Variants in SLIT1 observed in about 807,000 individuals in gnomAD.
The protein encoded by SLIT1 is slit guidance ligand 1.
Under a neutral mutation model 186.1 loss-of-function variants are expected in SLIT1, and 66 were observed. That is an observed-to-expected ratio of 0.35 (90% CI 0.29 to 0.44). The LOEUF (loss-of-function observed/expected upper bound fraction) is 0.44, where lower values mean the gene tolerates loss of function less well. Ranked by LOEUF, SLIT1 falls within the 20% of genes least tolerant of loss-of-function variation. The probability of loss-of-function intolerance (pLI) is 1.00; values close to 1 mark genes in which losing one functional copy is unlikely to be tolerated. For synonymous variants in SLIT1, 761 were observed against 833.8 expected (o/e 0.91, Z 1.50); for missense variants, 1,638 against 2,037.4 (o/e 0.80, Z 3.77).
intron 4 of SLIT1, among the ~76,000 whole-genome samples, chr10:97,087,852 AAC>A (rs1398235171): frequency 6.6e-6 from 1 of 152,138 alleles, no homozygotes; most frequent in Non-Finnish European, 1.5e-5. Flanking sequence ...TTTGTTTGAG[AAC>A]ACAGCCAGGT....
At chr10:97,149,939 T>C (rs754009102) in intron 4 of SLIT1, among the ~76,000 whole-genome samples, 1 of 152,236 alleles carries the variant, frequency 6.6e-6, no homozygotes, top group Non-Finnish European at 1.5e-5. Flanking sequence ...ATGGGCTGAA[T>C]AGTCCTTGAC....
At chr10:97,075,783 C>T (rs968098404) in intron 4 of SLIT1, among the ~76,000 whole-genome samples, 1 of 152,202 alleles carries the variant, frequency 6.6e-6, no homozygotes, top group Non-Finnish European at 1.5e-5. Context: ...CCCTCAGTGT[C>T]TCAGGTGCAC....
chr10:97,088,804 T>G (rs1001114603), intron 4 of SLIT1, among the ~76,000 whole-genome samples: 35 of 152,128 alleles, frequency 2.3e-4, no homozygotes, highest in African/African-American at 7.5e-4. Flanking sequence ...GGGGCCCACG[T>G]CCATAAAGGA....
At chr10:97,175,966 A>G (rs1243302407) in intron 1 of SLIT1, among the ~76,000 whole-genome samples, 4 of 152,246 alleles carry the variant, frequency 2.6e-5, no homozygotes, top group Non-Finnish European at 4.4e-5. Context: ...TTGCCTTTAC[A>G]GCCCCAGTGC....
chr10:97,049,135 G>A lies in SLIT1; in HGVS notation c.1302-17C>T. 1.2e-6 allele frequency: 2 copies of A among 1,609,054 alleles called. No homozygotes were observed. Among genetic ancestry groups the A allele is most frequent in the Non-Finnish European group, 1.7e-6 (2 of 1,178,486 alleles). On this transcript the variant is annotated splice_polypyrimidine_tract_variant and intron_variant, in intron 13 of 36. Transcript: ENST00000266058. ...GCCAGGTGCCTGTCCAAAGCAGGCA[G>A]ATCAGCTATGAGAAACAAGGGCTGC...
chr10:97,091,319 T>A (rs150202274), intron 4 of SLIT1, among the ~76,000 whole-genome samples: 1 of 152,208 alleles, frequency 6.6e-6, no homozygotes, highest in Non-Finnish European at 1.5e-5. Context: ...CCAGGTTCCT[T>A]AGGGGACTCA....
chr10:97,031,514 C>T (rs979110259), intron 24 of SLIT1, 92 bp downstream of exon 24: 3 of 986,780 alleles, frequency 3.0e-6, no homozygotes, highest in Non-Finnish European at 4.6e-6. Flanking sequence ...CAGCGTGGGC[C>T]CTAGACATGG....
chr10:97,180,981 C>G (rs969797758), intron 1 of SLIT1, among the ~76,000 whole-genome samples: 1 of 152,172 alleles, frequency 6.6e-6, no homozygotes, highest in South Asian at 2.1e-4. Flanking sequence ...CCCCAGAGGC[C>G]GAGAGAAGGG....
chr10:96,999,477 T>TAC lies in SLIT1; in HGVS notation c.*1633_*1634dup, dbSNP rs978387495. Reference sequence around the variant, plus strand: ...TGCCACTCTGAGCCTCACCTGAACATACACCCAGCCATGCCTCCTGGTCAC... The same window carrying TAC: ...TGCCACTCTGAGCCTCACCTGAACATACACACCCAGCCATGCCTCCTGGTCAC... On this transcript the variant is annotated 3_prime_UTR_variant, in exon 37 of 37. Transcript: ENST00000266058. 1.3e-5 allele frequency: 2 copies of TAC among 152,352 alleles called. No individual in the cohort carries two copies. Among genetic ancestry groups the TAC allele is most frequent in the African/African-American group, 4.8e-5 (2 of 41,420 alleles). 9.4% of individuals were successfully genotyped at this position (152,352 alleles called of 1,614,324 possible). A position where few individuals can be genotyped will look rare whatever the true frequency, so the allele number is the denominator to read the frequency against.
chr10:97,085,600 C>G (rs2134658399), intron 4 of SLIT1, among the ~76,000 whole-genome samples: 1 of 151,722 alleles, frequency 6.6e-6, no homozygotes. Context: ...GTTGGTCAGG[C>G]TGGTCTGAAA....
intron 4 of SLIT1, among the ~76,000 whole-genome samples, chr10:97,080,609 G>C (rs1849094211): frequency 3.9e-5 from 6 of 152,214 alleles, no homozygotes; most frequent in Admixed American, 3.9e-4. Flanking sequence ...CCATTCCTCT[G>C]TAGGAAGAGG....
intron 4 of SLIT1, among the ~76,000 whole-genome samples, chr10:97,113,784 G>A (rs1343867954): frequency 6.6e-6 from 1 of 152,008 alleles, no homozygotes; most frequent in Non-Finnish European, 1.5e-5. Context: ...TCGAACTCCT[G>A]ACCTCAGGTG....
At chr10:97,150,170 C>T (rs1849861647) in intron 4 of SLIT1, among the ~76,000 whole-genome samples, 1 of 152,096 alleles carries the variant, frequency 6.6e-6, no homozygotes, top group Non-Finnish European at 1.5e-5. Flanking sequence ...GCTGGGAGCC[C>T]CGTTCTCGTG....
In SLIT1 at chr10:97,004,532, C is replaced by T. The variant is rs111316886; in HGVS notation, c.3710+161G>A. The stretch of plus-strand genomic sequence containing the variant: ...GCCACTGCACAGGCCTCAGAGACCT[C>T]AGCCCCAAGCTGGGGCTAACCCAGA... On this transcript the variant is annotated intron_variant, in intron 33 of 36. Transcript: ENST00000266058. The surrounding 1 kb of genome is among the most constrained non-coding windows in gnomAD (Gnocchi z 5.1). Among the ~76,000 whole-genome samples the T allele has an allele frequency of 1.2e-3, 183 of 152,258 alleles. 1 individual carries two copies. Among genetic ancestry groups the T allele is most frequent in the African/African-American group, 3.6e-3 (151 of 41,550 alleles).
At chr10:97,001,452 T>TG in intron 36 of SLIT1, 102 bp from the exon 37 acceptor site, 1 of 862,356 alleles carries the variant, frequency 1.2e-6, no homozygotes. Flanking sequence ...GCAGCATCTG[T>TG]GGGGTGGATC....
Position 97,031,587 on chromosome 10 carries a change from G to T in SLIT1, c.2510+19C>A. ...AGTGGGGTGGATTTTCTGGCAGGAT[G>T]GTGAGTGAGGAGACTTACAGCAGGC... On this transcript the variant is annotated intron_variant, in intron 24 of 36. Transcript: ENST00000266058. 1 of 1,546,042 alleles carries T rather than the reference G, an allele frequency of 6.5e-7. No individual in the cohort carries two copies. Among genetic ancestry groups the T allele is most frequent in the Middle Eastern group, 1.7e-4 (1 of 5,968 alleles).
In SLIT1 at chr10:97,119,240, TC is replaced by T. The variant is rs1239967162; in HGVS notation, c.413+38577del. Reference sequence around the variant, plus strand: ...CCTCACAGGAAGGTCAGGGGTCAACTCATCGCCATCCTATTGGCTGGCACAG... The same window carrying T: ...CCTCACAGGAAGGTCAGGGGTCAACTATCGCCATCCTATTGGCTGGCACAG... On this transcript the variant is annotated intron_variant, in intron 4 of 36. Transcript: ENST00000266058. Among the ~76,000 whole-genome samples the T allele has an allele frequency of 2.0e-5, 3 of 152,282 alleles. No homozygotes were observed. The East Asian group carries it at 5.8e-4, about 29-fold the overall frequency.
intron 4 of SLIT1, among the ~76,000 whole-genome samples, chr10:97,112,641 T>C (rs1416325517): frequency 1.3e-5 from 2 of 152,236 alleles, no homozygotes; most frequent in African/African-American, 4.8e-5. Flanking sequence ...CAAAACCACA[T>C]AATCTGTAAC....
Position 97,059,494 on chromosome 10 carries a change from C to G in SLIT1, c.1051G>C (p.Asp351His). 1 of 1,613,802 alleles carries G rather than the reference C, an allele frequency of 6.2e-7. No individual in the cohort carries two copies. Among genetic ancestry groups the G allele is most frequent in the Non-Finnish European group, 8.5e-7 (1 of 1,179,994 alleles). ...SNNQIAEIAP[D>H]AFQGLRSLNS... ...AGGGAGCGGAGGCCCTGGAAGGCGT[C>G]GGGTGCAATCTCAGCGATCTGATTG... is the stretch of plus-strand genomic sequence containing the variant. Residue 351 changes from aspartate (D) to histidine (H), a missense_variant, in exon 11 of 37, where the codon GAC (aspartate) becomes CAC (histidine). Asp to His is a moderately conservative substitution (Grantham distance 81). Around this residue, in one of 3 missense-constraint regions of SLIT1, gnomAD observed 1,245 missense variants for 1,535.3 expected, o/e 0.81. Transcript: ENST00000266058.
Sources: gnomAD v4.1 joint callset for allele counts (sites outside exome capture counted in the v4.1 genomes callset) on GRCh38, gnomAD v4.1.1 for gene constraint, gnomAD v4.1.1 regional missense constraint, Gnocchi (gnomAD v3.1) non-coding constraint, MANE v1.5 for transcripts, NCBI Gene and HGNC (gene_info 2026-07-23, HGNC 2026-07-21) for gene names.